MACROD2: variants seen among roughly 807,000 people sequenced by gnomAD.
MACROD2 encodes ADP-ribose glycohydrolase MACROD2.
Under a neutral mutation model 70.4 loss-of-function variants are expected in MACROD2, and 36 were observed. That is an observed-to-expected ratio of 0.51 (90% CI 0.39 to 0.68). The LOEUF (loss-of-function observed/expected upper bound fraction) is 0.68. Among genes scored for constraint, MACROD2 ranks in the 30% least tolerant of loss-of-function variants. MACROD2 has a pLI of 0.00. For synonymous variants in MACROD2, 172 were observed against 178.8 expected (o/e 0.96, Z 0.30); for missense variants, 496 against 538.4 (o/e 0.92, Z 0.78).
intron 5 of MACROD2, among the ~76,000 whole-genome samples, chr20:14,873,713 G>T (rs975810012): frequency 2.0e-5 from 3 of 152,042 alleles, no homozygotes; most frequent in Non-Finnish European, 4.4e-5. Context: ...ACAAAAATTA[G>T]CCAGGTGTGG....
intron 5 of MACROD2, among the ~76,000 whole-genome samples, chr20:14,802,113 C>T (rs184701379): frequency 1.1e-3 from 169 of 152,112 alleles, no homozygotes; most frequent in Non-Finnish European, 2.2e-3. Flanking sequence ...AATGTGATGT[C>T]GCATGTGCTG....
intron 8 of MACROD2, among the ~76,000 whole-genome samples, chr20:15,600,148 C>T (rs978021263): frequency 6.6e-6 from 1 of 152,088 alleles, no homozygotes; most frequent in African/African-American, 2.4e-5. Context: ...ACTCCTCAGG[C>T]CAGTACAGAC....
chr20:15,659,173 A>T (rs2049778882), intron 8 of MACROD2, among the ~76,000 whole-genome samples: 1 of 152,142 alleles, frequency 6.6e-6, no homozygotes, highest in African/African-American at 2.4e-5. Context: ...AGCTGGTCTA[A>T]GTGGAATGTT....
At chr20:15,456,828 G>T (rs1436967389) in intron 7 of MACROD2, among the ~76,000 whole-genome samples, 1 of 152,060 alleles carries the variant, frequency 6.6e-6, no homozygotes, top group Non-Finnish European at 1.5e-5. Context: ...GATTTGTATT[G>T]TCTCCCGGCA....
At chr20:15,022,936 T>A (rs2122971844) in intron 5 of MACROD2, 1 of 152,268 alleles carries the variant, frequency 6.6e-6, no homozygotes, top group Middle Eastern at 3.4e-3. Flanking sequence ...GACATGGAAA[T>A]TTGTGAAGCA....
At chr20:14,199,827 A>G (rs2081464063) in intron 3 of MACROD2, among the ~76,000 whole-genome samples, 1 of 152,194 alleles carries the variant, frequency 6.6e-6, no homozygotes, top group East Asian at 1.9e-4. Context: ...TTTAAAAATG[A>G]AAAACAAAAA....
At chr20:14,500,218 A>G (rs190847926) in intron 4 of MACROD2, among the ~76,000 whole-genome samples, 54 of 152,342 alleles carry the variant, frequency 3.5e-4, no homozygotes, top group Admixed American at 9.1e-4. Flanking sequence ...CAGTCCCAGC[A>G]TGCCACTTAA....
chr20:14,495,596 G>A (rs927767435), intron 4 of MACROD2, among the ~76,000 whole-genome samples: 7 of 152,132 alleles, frequency 4.6e-5, no homozygotes, highest in African/African-American at 1.7e-4. Context: ...TGCCATGGTG[G>A]TTACCTCTAT....
At chr20:15,661,030 CCA>C (rs2146816175) in intron 8 of MACROD2, among the ~76,000 whole-genome samples, 1 of 152,276 alleles carries the variant, frequency 6.6e-6, no homozygotes, top group East Asian at 1.9e-4. Flanking sequence ...TAGAATGACA[CCA>C]GATTCCAACT....
At chr20:14,525,256 A>G (rs2085217963) in intron 4 of MACROD2, among the ~76,000 whole-genome samples, 1 of 152,164 alleles carries the variant, frequency 6.6e-6, no homozygotes, top group Non-Finnish European at 1.5e-5. Context: ...GCTCAGATAA[A>G]ATTTGGGGAG....
At chr20:14,508,884 A>C (rs574835549) in intron 4 of MACROD2, among the ~76,000 whole-genome samples, 1 of 152,140 alleles carries the variant, frequency 6.6e-6, no homozygotes, top group East Asian at 1.9e-4. Context: ...CTATTTATCC[A>C]TCTACCAATC....
intron 3 of MACROD2, among the ~76,000 whole-genome samples, chr20:14,237,002 T>A (rs2081880436): frequency 1.3e-5 from 2 of 152,146 alleles, no homozygotes; most frequent in South Asian, 2.1e-4. Flanking sequence ...CTTTATTTTA[T>A]CCTTACTCTT....
At chr20:14,202,023 T>C (rs900229624) in intron 3 of MACROD2, among the ~76,000 whole-genome samples, 2 of 152,044 alleles carry the variant, frequency 1.3e-5, no homozygotes, top group Non-Finnish European at 2.9e-5. Flanking sequence ...ATACTGAGAC[T>C]CCTAAATAAT....
chr20:15,800,088 T>C (rs113567676), intron 8 of MACROD2, among the ~76,000 whole-genome samples: 43 of 152,324 alleles, frequency 2.8e-4, no homozygotes, highest in Non-Finnish European at 4.9e-4. Context: ...ATGTCTTCTT[T>C]TGAGAAATGT....
At chr20:15,904,026 T>G (rs2065105217) in intron 10 of MACROD2, among the ~76,000 whole-genome samples, 1 of 152,216 alleles carries the variant, frequency 6.6e-6, no homozygotes, top group Non-Finnish European at 1.5e-5. Flanking sequence ...GAATAGAAGT[T>G]GTACCCTGGT....
At chr20:15,857,389 A>G (rs2064369126) in intron 8 of MACROD2, among the ~76,000 whole-genome samples, 2 of 152,200 alleles carry the variant, frequency 1.3e-5, no homozygotes, top group South Asian at 2.1e-4. Flanking sequence ...CCACAGGCCC[A>G]TATATCTGTC....
intron 8 of MACROD2, among the ~76,000 whole-genome samples, chr20:15,651,601 C>CAAAGAGGTGG (rs961238206): frequency 6.6e-6 from 1 of 152,110 alleles, no homozygotes; most frequent in African/African-American, 2.4e-5. Context: ...CAATATGATG[C>CAAAGAGGTGG]AAAGAGGTGG....
At chr20:14,138,449 T>C (rs1422151173) in intron 3 of MACROD2, among the ~76,000 whole-genome samples, 1 of 152,154 alleles carries the variant, frequency 6.6e-6, no homozygotes, top group Non-Finnish European at 1.5e-5. Flanking sequence ...GAAATTTCTG[T>C]TATTTGTGAC....
intron 3 of MACROD2, among the ~76,000 whole-genome samples, chr20:14,190,014 A>G (rs908337803): frequency 6.6e-6 from 1 of 152,154 alleles, no homozygotes; most frequent in Non-Finnish European, 1.5e-5. Flanking sequence ...GCATTAAGGA[A>G]TTTCATACAC....
Sources: gnomAD v4.1 joint callset for allele counts (sites outside exome capture counted in the v4.1 genomes callset) on GRCh38, gnomAD v4.1.1 for gene constraint, MANE v1.5 for transcripts, NCBI Gene and HGNC (gene_info 2026-07-23, HGNC 2026-07-21) for gene names.